Variants in TEK observed in about 807,000 individuals in gnomAD.
TEK encodes TEK receptor tyrosine kinase.
In TEK, 43 loss-of-function variants were observed where a neutral mutation model predicts 131.8. The observed-to-expected ratio is 0.33, with a 90% CI of 0.26 to 0.42. TEK has a LOEUF of 0.42. TEK is among the 10% of genes least tolerant of loss of function. The pLI is 1.00. For synonymous variants in TEK, 580 were observed against 491.6 expected (o/e 1.18, Z -2.38); for missense variants, 1,162 against 1,384.4 (o/e 0.84, Z 2.55).
intron 1 of TEK, among the ~76,000 whole-genome samples, chr9:27,146,329 G>A (rs1399395276): frequency 6.6e-6 from 1 of 152,106 alleles, no homozygotes; most frequent in Non-Finnish European, 1.5e-5. Context: ...AACTCTATGA[G>A]TTTTAACACA....
At chr9:27,185,716 A>G in intron 9 of TEK, 87 bp downstream of exon 9, 1 of 1,540,238 alleles carries the variant, frequency 6.5e-7, no homozygotes, top group Admixed American at 1.8e-5. Flanking sequence ...GTATGCGACC[A>G]CTAAAATACC....
In TEK at chr9:27,183,545, T is replaced by A; in HGVS notation, c.1117T>A (p.Ser373Thr). The part of the protein sequence containing the change: ...SGKFNPICKA[S>T]GWPLPTNEEM... The stretch of plus-strand genomic sequence containing the variant: ...TAAATTTAATCCCATTTGCAAAGCT[T>A]CTGGCTGGCCGCTACCTACTAATGA... The change falls in exon 8 of 23, where the codon TCT (serine) becomes ACT (threonine). Residue 373 changes from serine (S) to threonine (T), a missense_variant. Transcript: ENST00000380036. The A allele has an allele frequency of 6.2e-7, 1 of 1,613,920 alleles. No individual in the cohort carries two copies. Among genetic ancestry groups the A allele is most frequent in the Non-Finnish European group, 8.5e-7 (1 of 1,179,862 alleles).
At chr9:27,115,755 A>G (rs969571517) in intron 1 of TEK, among the ~76,000 whole-genome samples, 1 of 152,202 alleles carries the variant, frequency 6.6e-6, no homozygotes, top group African/African-American at 2.4e-5. Flanking sequence ...AAGGACATAG[A>G]GGGAGCAACC....
At chr9:27,189,769 T>A (rs1249876954) in intron 9 of TEK, among the ~76,000 whole-genome samples, 1 of 152,176 alleles carries the variant, frequency 6.6e-6, no homozygotes, top group Admixed American at 6.6e-5. Flanking sequence ...ACAGCCTTGC[T>A]AATGCCTTAA....
chr9:27,120,074 T>G lies in TEK; in HGVS notation c.52+10432T>G, dbSNP rs1476854173. ...TCTGGGGTTGATTTAAACATCCATC[T>G]ATTTTATTAATCATTGCTACCACTT... On this transcript the variant is annotated intron_variant, in intron 1 of 22. Transcript: ENST00000380036. Among the ~76,000 whole-genome samples the G allele has an allele frequency of 2.0e-5, 3 of 152,368 alleles. No homozygotes were observed. In the East Asian group the frequency reaches 5.8e-4, roughly 29 times the overall value.
chr9:27,180,619 T>C (rs1824330664), intron 7 of TEK, among the ~76,000 whole-genome samples: 1 of 152,212 alleles, frequency 6.6e-6, no homozygotes, highest in African/African-American at 2.4e-5. Context: ...AAGTGATGAC[T>C]GGCCAGCTGA....
At chr9:27,133,272 C>A (rs1006388300) in intron 1 of TEK, among the ~76,000 whole-genome samples, 12 of 152,160 alleles carry the variant, frequency 7.9e-5, no homozygotes, top group African/African-American at 2.9e-4. Flanking sequence ...TGAAAAAAAT[C>A]TGGACAAGTC....
At chr9:27,151,202 A>G (rs539081200) in intron 1 of TEK, among the ~76,000 whole-genome samples, 242 of 152,304 alleles carry the variant, frequency 1.6e-3, no homozygotes, top group Admixed American at 5.8e-3. Context: ...GAGACTTACT[A>G]CATACACAAA....
At chr9:27,115,955 A>G (rs910368308) in intron 1 of TEK, among the ~76,000 whole-genome samples, 3 of 152,222 alleles carry the variant, frequency 2.0e-5, no homozygotes, top group Non-Finnish European at 4.4e-5. Context: ...ATCATGTCAT[A>G]TATCAGATTT....
At chr9:27,115,033 C>G (rs1587470863) in intron 1 of TEK, among the ~76,000 whole-genome samples, 1 of 152,046 alleles carries the variant, frequency 6.6e-6, no homozygotes, top group African/African-American at 2.4e-5. Context: ...CTTTGCTAAG[C>G]TCACATTTTA....
intron 16 of TEK, among the ~76,000 whole-genome samples, chr9:27,212,259 AAAT>A (rs1430150835): frequency 1.3e-5 from 2 of 152,310 alleles, no homozygotes; most frequent in African/African-American, 4.8e-5. Context: ...AATTGTTGAA[AAAT>A]AATAACAACC....
At position 27,220,137 on chromosome 9, in the gene TEK, T is replaced by C; in HGVS notation, c.3192T>C (p.Asp1064=). Residue 1064 remains aspartate, a synonymous_variant, in exon 21 of 23, where the codon GAT becomes GAC. Coordinates refer to ENST00000380036, the MANE Select transcript of TEK (RefSeq NM_000459.5). ...GACTGGAGAAGCCCCTGAACTGTGATGATGAGGTGTAAGTCAGGCCTCATC... is the reference window on the plus strand; with the variant it reads ...GACTGGAGAAGCCCCTGAACTGTGACGATGAGGTGTAAGTCAGGCCTCATC... ...GYRLEKPLNC[D]DEVYDLMRQC... 6.2e-7 allele frequency: 1 copy of C among 1,613,842 alleles called. No homozygotes were observed. The highest frequency in any genetic ancestry group is 8.5e-7 in the Non-Finnish European group (1 of 1,179,968).
At position 27,218,795 on chromosome 9, in the gene TEK, A is replaced by T; in HGVS notation, c.3081A>T (p.Leu1027Phe). The T allele has an allele frequency of 6.2e-7, 1 of 1,613,986 alleles. No individual in the cohort carries two copies. ...TNSDVWSYGV[L>F]LWEIVSLGGT... ...CCTGCAGATGGTCCTATGGTGTGTT[A>T]CTATGGGAGATTGTTAGCTTAGGTG... Residue 1027 changes from leucine (L) to phenylalanine (F), a missense_variant, in exon 20 of 23, where the codon TTA becomes TTT. Around this residue, in one of 6 missense-constraint regions of TEK, gnomAD observed 107 missense variants for 173.9 expected, o/e 0.62. Transcript: ENST00000380036.
In TEK at chr9:27,229,332, A is replaced by G; in HGVS notation, c.*100A>G. Reference sequence around the variant, plus strand: ...CCTCTGCCAAAGGATGTGATATATAAGTGTACATATGTGCTGTACACCTGG... The same window carrying G: ...CCTCTGCCAAAGGATGTGATATATAGGTGTACATATGTGCTGTACACCTGG... On this transcript the variant is annotated 3_prime_UTR_variant, in exon 23 of 23. Coordinates refer to ENST00000380036, the MANE Select transcript of TEK (RefSeq NM_000459.5). The G allele has an allele frequency of 8.7e-7, 1 of 1,152,362 alleles. No homozygotes were observed. Among genetic ancestry groups the G allele is most frequent in the Non-Finnish European group, 1.3e-6 (1 of 763,540 alleles). 71.4% of individuals were successfully genotyped at this position (1,152,362 alleles called of 1,614,324 possible).
chr9:27,137,945 C>T (rs1159611702), intron 1 of TEK, among the ~76,000 whole-genome samples: 6 of 152,170 alleles, frequency 3.9e-5, no homozygotes, highest in African/African-American at 1.4e-4. Context: ...TTTGTTCCTT[C>T]AGATGTGTCT....
chr9:27,189,268 G>C (rs561820489), intron 9 of TEK, among the ~76,000 whole-genome samples: 77 of 152,306 alleles, frequency 5.1e-4, no homozygotes, highest in Non-Finnish European at 6.8e-4. Context: ...ATGGAATTTA[G>C]AGTGTAGTGT....
chr9:27,225,673 A>C (rs1826293668), intron 21 of TEK, among the ~76,000 whole-genome samples: 1 of 152,236 alleles, frequency 6.6e-6, no homozygotes, highest in East Asian at 1.9e-4. Context: ...GGACATAGGC[A>C]TGGGCAAAGA....
chr9:27,110,369 G>C (rs569408353), intron 1 of TEK, among the ~76,000 whole-genome samples: 1 of 152,282 alleles, frequency 6.6e-6, no homozygotes, highest in Non-Finnish European at 1.5e-5. Flanking sequence ...TGGTTGGCCA[G>C]TGTGTTGGGT....
In TEK at chr9:27,190,701, G is replaced by T; in HGVS notation, c.1489+11G>T. The T allele has an allele frequency of 6.2e-7, 1 of 1,613,852 alleles. No individual in the cohort carries two copies. The highest frequency in any genetic ancestry group is 1.3e-5 in the African/African-American group (1 of 75,020). On this transcript the variant is annotated intron_variant, in intron 10 of 22. Transcript: ENST00000380036. ...GGCAACATATTCAAGGTAAGCTTTG[G>T]ACAGGATAGATGCCAGCTGGGGATG... is the stretch of plus-strand genomic sequence containing the variant.
Sources: gnomAD v4.1 joint callset for allele counts (sites outside exome capture counted in the v4.1 genomes callset) on GRCh38, gnomAD v4.1.1 for gene constraint, gnomAD v4.1.1 regional missense constraint, MANE v1.5 for transcripts, NCBI Gene and HGNC (gene_info 2026-07-23, HGNC 2026-07-21) for gene names.